The following RBMS3 variants were observed in gnomAD, a reference collection of about 807,000 sequenced individuals.
The protein encoded by RBMS3 is RNA binding motif single stranded interacting protein 3.
RBMS3 carries 27 observed loss-of-function variants against 66.8 expected under a neutral mutation model. The observed-to-expected ratio is 0.40, with a 90% confidence interval of 0.30 to 0.56. The LOEUF (loss-of-function observed/expected upper bound fraction) is 0.56. Among genes scored for constraint, RBMS3 ranks in the 20% least tolerant of loss-of-function variants. The pLI is 0.40. For synonymous variants in RBMS3, 188 were observed against 183.0 expected, an observed-to-expected ratio of 1.03 and a Z score of -0.22; for missense variants, 513 against 549.5, an observed-to-expected ratio of 0.93 and a Z score of 0.66.
chr3:29,660,160 C>G (rs1407472888), intron 4 of RBMS3, among the ~76,000 whole-genome samples: 2 of 152,086 alleles, frequency 1.3e-5, no homozygotes, highest in African/African-American at 4.8e-5. Flanking sequence ...ATTGGAGTCT[C>G]CAACTATGAT....
chr3:29,937,075 TC>T (rs1348923367), intron 11 of RBMS3, among the ~76,000 whole-genome samples: 1 of 152,092 alleles, frequency 6.6e-6, no homozygotes, highest in Non-Finnish European at 1.5e-5. Flanking sequence ...AAATATGTTT[TC>T]TTTTGACTGA....
At position 29,873,454 on chromosome 3, in the gene RBMS3, G is replaced by A. The variant is rs1001291133; in HGVS notation, c.744+4490G>A. On this transcript the variant is annotated intron_variant, in intron 7 of 14. Coordinates refer to ENST00000383767, the MANE Select transcript of RBMS3 (RefSeq NM_001003793.3). ...CGTTGATTTTGTATCCTGAAACTCT[G>A]CTGAGGTTGTTTATCAGCTGAAGGA... 2.6e-5 allele frequency among the ~76,000 whole-genome samples: 4 copies of A among 152,164 alleles called. 1 individual carries two copies. The highest frequency in any genetic ancestry group is 2.6e-4 in the Admixed American group (4 of 15,254).
intron 3 of RBMS3, among the ~76,000 whole-genome samples, chr3:29,500,066 C>CTTT (rs766636744): frequency 2.8e-5 from 3 of 108,414 alleles, no homozygotes; most frequent in African/African-American, 8.7e-5. Flanking sequence ...GAAGGATTTT[C>CTTT]TTTTTTTTTT....
chr3:29,880,863 C>G (rs760166394), intron 7 of RBMS3: 2 of 1,506,422 alleles, frequency 1.3e-6, no homozygotes, highest in African/African-American at 2.8e-5. Flanking sequence ...CAATGAAAAT[C>G]TCACCTTAGA....
chr3:29,663,359 G>T (rs1407518221), intron 4 of RBMS3, among the ~76,000 whole-genome samples: 1 of 152,054 alleles, frequency 6.6e-6, no homozygotes, highest in Non-Finnish European at 1.5e-5. Context: ...ATAATTTCTT[G>T]CATAACGAAG....
intron 4 of RBMS3, chr3:29,698,130 C>A: frequency 2.3e-6 from 2 of 854,110 alleles, no homozygotes; most frequent in Non-Finnish European, 2.8e-6. Flanking sequence ...AGGCTTGTGG[C>A]TGTGCCTACA....
At chr3:29,937,657 T>C (rs961225423) in intron 11 of RBMS3, among the ~76,000 whole-genome samples, 1 of 151,976 alleles carries the variant, frequency 6.6e-6, no homozygotes, top group African/African-American at 2.4e-5. Context: ...TTGGGCTGGA[T>C]CAAATGATCT....
intron 14 of RBMS3, among the ~76,000 whole-genome samples, chr3:29,993,970 G>C (rs973085819): frequency 3.0e-4 from 46 of 152,218 alleles, no homozygotes; most frequent in African/African-American, 1.1e-3. Context: ...ACAGCTCCCA[G>C]TGTGAGCGAC....
intron 2 of RBMS3, among the ~76,000 whole-genome samples, chr3:29,476,750 TA>T (rs200359213): frequency 1.3e-5 from 2 of 151,782 alleles, no homozygotes; most frequent in Admixed American, 6.6e-5. Context: ...ATGTAATTTT[TA>T]AAAAAAAATA....
chr3:29,829,042 CTTTCTTTT>C (rs781243389), intron 6 of RBMS3, among the ~76,000 whole-genome samples: 3 of 34,370 alleles, frequency 8.7e-5, no homozygotes, highest in Non-Finnish European at 2.4e-4. Flanking sequence ...TTCTTTCTTT[CTTTCTTTT>C]GTTTTGTTTT....
intron 6 of RBMS3, among the ~76,000 whole-genome samples, chr3:29,813,460 C>T (rs982987210): frequency 7.2e-5 from 11 of 152,082 alleles, no homozygotes; most frequent in African/African-American, 1.2e-4. Context: ...CTTGGCGATG[C>T]GGGCTCTTTT....
intron 2 of RBMS3, among the ~76,000 whole-genome samples, chr3:29,463,105 G>T (rs548677943): frequency 6.6e-6 from 1 of 152,104 alleles, no homozygotes; most frequent in Non-Finnish European, 1.5e-5. Flanking sequence ...AGAGGAGGGG[G>T]ACCTCATGGT....
intron 2 of RBMS3, among the ~76,000 whole-genome samples, chr3:29,477,933 G>A (rs1031812432): frequency 6.6e-6 from 1 of 151,892 alleles, no homozygotes; most frequent in Non-Finnish European, 1.5e-5. Flanking sequence ...GCCTGGTTAA[G>A]TTTTGTATTT....
chr3:29,526,820 C>A (rs962907437), intron 3 of RBMS3, among the ~76,000 whole-genome samples: 18 of 151,806 alleles, frequency 1.2e-4, no homozygotes, highest in Non-Finnish European at 1.0e-4. Flanking sequence ...ACCTCCAATT[C>A]CTCCCTCTCT....
intron 4 of RBMS3, among the ~76,000 whole-genome samples, chr3:29,655,774 T>C (rs1377707881): frequency 6.6e-6 from 1 of 152,184 alleles, no homozygotes; most frequent in East Asian, 1.9e-4. Context: ...TCATGAGATA[T>C]TCCAGATGAA....
chr3:29,281,780 C>T (rs763542477), intron 1 of RBMS3, 24 bp downstream of exon 1: 5 of 1,587,246 alleles, frequency 3.2e-6, no homozygotes, highest in South Asian at 1.1e-5. Context: ...CACGGTCTGG[C>T]GATCAGCGTG....
At chr3:29,523,771 G>A (rs1019570525) in intron 3 of RBMS3, among the ~76,000 whole-genome samples, 1 of 151,990 alleles carries the variant, frequency 6.6e-6, no homozygotes, top group Non-Finnish European at 1.5e-5. Flanking sequence ...GTCTCACTTT[G>A]TTGCCCGGGC....
chr3:29,930,109 C>CTTTCTTTTTTT (rs71091082), intron 10 of RBMS3, among the ~76,000 whole-genome samples: 2 of 43,556 alleles, frequency 4.6e-5, no homozygotes, highest in African/African-American at 1.3e-4. Context: ...TTCTTTCTTT[C>CTTTCTTTTTTT]TTTTTTTTTT....
At chr3:29,739,974 CAAAAA>C (rs397989061) in intron 5 of RBMS3, 97 bp downstream of exon 5, 3 of 562,538 alleles carry the variant, frequency 5.3e-6, no homozygotes, top group African/African-American at 2.3e-5. Flanking sequence ...ATAGAATATG[CAAAAA>C]AAAAAAAAAA....
Sources: gnomAD v4.1 joint callset for allele counts (sites outside exome capture counted in the v4.1 genomes callset) on GRCh38, gnomAD v4.1.1 for gene constraint, MANE v1.5 for transcripts, NCBI Gene and HGNC (gene_info 2026-07-23, HGNC 2026-07-21) for gene names.